Variants in CSMD1 observed in about 807,000 individuals in gnomAD.
The protein encoded by CSMD1 is CUB and Sushi multiple domains 1.
CSMD1 carries 213 observed loss-of-function variants against 417.5 expected under a neutral mutation model. That is an observed-to-expected ratio of 0.51 (90% confidence interval 0.46 to 0.57). CSMD1 has a LOEUF of 0.57. Ranked by LOEUF, CSMD1 falls within the 20% of genes least tolerant of loss-of-function variation. CSMD1 has a pLI of 0.00. For missense variants in CSMD1, 6,923 were observed against 4,529.7 expected (o/e 1.53, Z -15.17); for synonymous variants, 2,862 against 1,736.8 (o/e 1.65, Z -16.11).
chr8:4,845,461 C>A (rs1261059655), intron 1 of CSMD1, among the ~76,000 whole-genome samples: 2 of 152,206 alleles, frequency 1.3e-5, no homozygotes, highest in African/African-American at 4.8e-5. Context: ...TCTTCAAGTG[C>A]AATCAGCAAA....
intron 5 of CSMD1, among the ~76,000 whole-genome samples, chr8:3,954,899 C>A (rs900787094): frequency 6.6e-6 from 1 of 152,178 alleles, no homozygotes; most frequent in Non-Finnish European, 1.5e-5. Flanking sequence ...TACGTGGAAA[C>A]TCATGCTCCT....
chr8:4,443,490 T>A (rs747036094), intron 2 of CSMD1, among the ~76,000 whole-genome samples: 2 of 152,212 alleles, frequency 1.3e-5, no homozygotes, highest in Non-Finnish European at 2.9e-5. Flanking sequence ...TATGTGTTTC[T>A]TTATATGCCA....
At chr8:3,724,573 G>A (rs985898159) in intron 6 of CSMD1, among the ~76,000 whole-genome samples, 1 of 152,060 alleles carries the variant, frequency 6.6e-6, no homozygotes, top group Non-Finnish European at 1.5e-5. Flanking sequence ...CTTCCTCTGG[G>A]CTGGGAGAGG....
intron 2 of CSMD1, among the ~76,000 whole-genome samples, chr8:4,627,585 T>G (rs1802193090): frequency 6.6e-6 from 1 of 152,142 alleles, no homozygotes; most frequent in African/African-American, 2.4e-5. Context: ...TTCATGAAAT[T>G]TGATTATGTC....
intron 3 of CSMD1, among the ~76,000 whole-genome samples, chr8:4,401,539 C>CT (rs1195509802): frequency 2.0e-5 from 3 of 152,126 alleles, no homozygotes; most frequent in Admixed American, 6.6e-5. Context: ...CCAGCAGTAG[C>CT]TCCCCTGTCT....
chr8:3,909,741 G>C (rs902918997), intron 5 of CSMD1, among the ~76,000 whole-genome samples: 17 of 152,204 alleles, frequency 1.1e-4, no homozygotes, highest in Middle Eastern at 3.4e-3. Context: ...TTTAGGGAAG[G>C]GGGTCTTGAC....
chr8:3,306,736 C>G (rs536130996), intron 25 of CSMD1, among the ~76,000 whole-genome samples: 1 of 152,118 alleles, frequency 6.6e-6, no homozygotes, highest in East Asian at 1.9e-4. Context: ...TCATTTTAAA[C>G]AAGAACTAAA....
chr8:3,175,614 G>A (rs991216391), intron 37 of CSMD1, among the ~76,000 whole-genome samples: 3 of 145,194 alleles, frequency 2.1e-5, no homozygotes, highest in African/African-American at 7.6e-5. Flanking sequence ...CCCTTCCTGA[G>A]GTTGCCTTTG....
At chr8:3,815,621 ACTTT>A (rs200008794) in intron 5 of CSMD1, among the ~76,000 whole-genome samples, 7 of 79,976 alleles carry the variant, frequency 8.8e-5, no homozygotes, top group African/African-American at 2.2e-4. Context: ...TCACTGCTAG[ACTTT>A]CTTTTTTTTT....
At chr8:4,573,240 C>A (rs1390048984) in intron 2 of CSMD1, among the ~76,000 whole-genome samples, 1 of 152,178 alleles carries the variant, frequency 6.6e-6, no homozygotes, top group Non-Finnish European at 1.5e-5. Flanking sequence ...GCTGGTTTTT[C>A]CTCATCTTTG....
intron 23 of CSMD1, among the ~76,000 whole-genome samples, chr8:3,311,786 A>C (rs1206775045): frequency 6.6e-6 from 1 of 152,120 alleles, no homozygotes. Context: ...GCGTTTATCA[A>C]TCATAAGAGA....
At chr8:4,022,807 T>C (rs1267538403) in intron 4 of CSMD1, among the ~76,000 whole-genome samples, 3 of 152,088 alleles carry the variant, frequency 2.0e-5, no homozygotes, top group South Asian at 2.1e-4. Flanking sequence ...TCGTGTAAGT[T>C]AGAGAAACAA....
At chr8:3,667,959 C>T (rs56221894) in intron 7 of CSMD1, among the ~76,000 whole-genome samples, 22,333 of 152,094 alleles carry the variant, frequency 0.15, 1,973 homozygotes, top group South Asian at 0.22. Flanking sequence ...TTCCTCCCTG[C>T]GTCTTTCTAA....
At chr8:3,988,627 A>G (rs1814511915) in intron 5 of CSMD1, among the ~76,000 whole-genome samples, 3 of 152,236 alleles carry the variant, frequency 2.0e-5, no homozygotes, top group Admixed American at 2.0e-4. Flanking sequence ...AGGAACGTTT[A>G]ATAGATAAAT....
intron 10 of CSMD1, among the ~76,000 whole-genome samples, chr8:3,510,610 C>G: frequency 6.6e-6 from 1 of 151,762 alleles, no homozygotes; most frequent in Non-Finnish European, 1.5e-5. Context: ...ATGCTGGTGA[C>G]TCTCTTGCAG....
In CSMD1 at chr8:3,693,624, C is replaced by A. The variant is rs548884893; in HGVS notation, c.1009+14790G>T. 9.1e-4 allele frequency among the ~76,000 whole-genome samples: 138 copies of A among 151,768 alleles called. 2 individuals are homozygous for A. Among genetic ancestry groups the A allele is most frequent in the African/African-American group, 3.2e-3 (132 of 41,386 alleles). On this transcript the variant is annotated intron_variant, in intron 7 of 69. Coordinates refer to ENST00000635120, the MANE Select transcript of CSMD1 (RefSeq NM_033225.6). ...CTTATTCCATGAGAGAGACAATAAA[C>A]AAAATAAATAAATGTGTACATATAT...
chr8:4,707,529 G>C (rs185900636), intron 1 of CSMD1, among the ~76,000 whole-genome samples: 2 of 152,222 alleles, frequency 1.3e-5, no homozygotes, highest in East Asian at 3.9e-4. Context: ...CAGTTAAATG[G>C]AGAGGCCGCT....
chr8:4,335,887 TC>T (rs1368360760), intron 3 of CSMD1, among the ~76,000 whole-genome samples: 1 of 152,020 alleles, frequency 6.6e-6, no homozygotes, highest in African/African-American at 2.4e-5. Context: ...GTGGAGAACC[TC>T]CAGGGCTTCC....
At chr8:4,798,098 G>A (rs982496796) in intron 1 of CSMD1, among the ~76,000 whole-genome samples, 2 of 152,130 alleles carry the variant, frequency 1.3e-5, no homozygotes, top group Non-Finnish European at 2.9e-5. Context: ...GTGCCATGTT[G>A]GCATGCTGTA....
Sources: allele counts gnomAD v4.1 joint callset (sites outside exome capture counted in the v4.1 genomes callset), GRCh38; gene constraint gnomAD v4.1.1; transcripts MANE v1.5; gene names NCBI Gene and HGNC (gene_info 2026-07-23, HGNC 2026-07-21).